Variants in TTLL2 observed in about 807,000 individuals in gnomAD.
TTLL2 encodes the protein probable tubulin polyglutamylase TTLL2.
A neutral mutation model predicts 7.5 loss-of-function variants in TTLL2; 10 were observed. The observed-to-expected ratio is 1.33, with a 90% CI of 0.82 to 2.25. TTLL2 has a LOEUF of 2.25. Among genes scored for constraint, TTLL2 ranks in the 30% most tolerant of loss-of-function variants. TTLL2 has a pLI of 0.00. For synonymous variants in TTLL2, 284 were observed against 280.3 expected (o/e 1.01, Z -0.13); for missense variants, 733 against 735.7 (o/e 1.00, Z 0.04).
chr6:167,335,407 G>T (rs1430417218), intron 1 of TTLL2, among the ~76,000 whole-genome samples: 1 of 150,040 alleles, frequency 6.7e-6, no homozygotes, highest in East Asian at 2.0e-4. Context: ...GTGGAAGTCA[G>T]TGTGGCGATT....
At chr6:167,336,505 C>T (rs1200801820) in intron 1 of TTLL2, among the ~76,000 whole-genome samples, 1 of 151,996 alleles carries the variant, frequency 6.6e-6, no homozygotes, top group East Asian at 1.9e-4. Context: ...CAATTCCCTG[C>T]CATGGGTCGT....
chr6:167,340,561 G>C lies in TTLL2; in HGVS notation c.661G>C (p.Gly221Arg), dbSNP rs142290843. Residue 221 changes from glycine (G) to arginine (R), a missense_variant, in exon 3 of 3, where the codon GGG (glycine) becomes CGG (arginine). By Grantham distance (125) the Gly-to-Arg change is moderately radical. Coordinates refer to ENST00000239587, the MANE Select transcript of TTLL2 (RefSeq NM_031949.5). ...CKPAELSRGRGILIFSDFKDF... is the reference protein window; with the variant it reads ...CKPAELSRGRRILIFSDFKDF... The stretch of plus-strand genomic sequence containing the variant: ...GCCTGCTGAGTTATCTCGTGGGAGG[G>C]GGATACTAATTTTCAGTGACTTTAA... 2,643 of 1,613,950 alleles carry C rather than the reference G, an allele frequency of 1.6e-3. 7 individuals are homozygous for C. The highest frequency in any genetic ancestry group is 2.1e-3 in the Non-Finnish European group (2,493 of 1,180,036).
intron 1 of TTLL2, among the ~76,000 whole-genome samples, chr6:167,326,693 T>C (rs1314916498): frequency 6.6e-6 from 1 of 152,202 alleles, no homozygotes; most frequent in African/African-American, 2.4e-5. Context: ...AACACAAATT[T>C]GTAAACTTTC....
At position 167,340,600 on chromosome 6, in the gene TTLL2, G is replaced by A. The variant is rs776662347; in HGVS notation, c.700G>A (p.Asp234Asn). 1 of 1,614,168 alleles carries A rather than the reference G, an allele frequency of 6.2e-7. No individual in the cohort carries two copies. Among genetic ancestry groups the A allele is most frequent in the Non-Finnish European group, 8.5e-7 (1 of 1,180,034 alleles). ...CAGTGACTTTAAAGACTTCATCTTT[G>A]ATGATATGTACATAGTGCAGAAATA... ...IFSDFKDFIF[D>N]DMYIVQKYIS... Residue 234 changes from aspartate (D) to asparagine (N), a missense_variant, in exon 3 of 3, where the codon GAT becomes AAT. Physicochemically the swap from Asp to Asn is conservative, Grantham distance 23 (BLOSUM62 1). Transcript: ENST00000239587.
rs895574550 is a variant in TTLL2, at chr6:167,331,744, A to G, written c.47+6524A>G. On this transcript the variant is annotated intron_variant, in intron 1 of 2. Transcript: ENST00000239587. ...TGTAACAATCGCTGAGTCCTGGCCA[A>G]TCCCCGCAGCTGTACTTCAACCACT... is the stretch of plus-strand genomic sequence containing the variant. Among the ~76,000 whole-genome samples the G allele has an allele frequency of 5.9e-5, 9 of 152,258 alleles. No homozygotes were observed. In the East Asian group the frequency reaches 1.7e-3, roughly 29 times the overall value.
intron 1 of TTLL2, 59 bp downstream of exon 1, chr6:167,325,279 A>C: frequency 6.8e-7 from 1 of 1,463,202 alleles, no homozygotes; most frequent in Non-Finnish European, 9.1e-7. Context: ...CCTCTGTTCC[A>C]GGACCAGCCC....
At position 167,341,516 on chromosome 6, in the gene TTLL2, C is replaced by CGT. The variant is rs1432582801; in HGVS notation, c.1621_1622dup (p.Leu542SerfsTer34). On this transcript the variant is annotated frameshift_variant, in exon 3 of 3. Coordinates refer to ENST00000239587, the MANE Select transcript of TTLL2 (RefSeq NM_031949.5). LOFTEE classifies it low-confidence loss of function (END_TRUNC). Reference sequence around the variant, plus strand: ...CACTCCTGCAAGACCAAGACCTCCCCGTGTGTCCTGTCAGACCGTGGCAAA... The same window carrying CGT: ...CACTCCTGCAAGACCAAGACCTCCCCGTGTGTGTCCTGTCAGACCGTGGCAAA... 2 of 1,614,068 alleles carry CGT rather than the reference C, an allele frequency of 1.2e-6. No individual in the cohort carries two copies. Among genetic ancestry groups the CGT allele is most frequent in the African/African-American group, 2.7e-5 (2 of 74,906 alleles).
At chr6:167,338,621 C>T (rs377762691) in intron 1 of TTLL2, 26 bp from the exon 2 acceptor site, 6 of 1,598,402 alleles carry the variant, frequency 3.8e-6, no homozygotes, top group Non-Finnish European at 5.1e-6. Context: ...GCTGTGTGTT[C>T]ATTGTTGATG....
Position 167,340,095 on chromosome 6 carries a change from C to T in TTLL2, c.205-10C>T. On this transcript the variant is annotated splice_polypyrimidine_tract_variant and intron_variant, in intron 2 of 2. Transcript: ENST00000239587. Reference sequence around the variant, plus strand: ...CACTCTCCTAACCTTTCTCAATGATCCATTTTTAGAAAAAACCTCATTTGA... The same window carrying T: ...CACTCTCCTAACCTTTCTCAATGATTCATTTTTAGAAAAAACCTCATTTGA... The T allele has an allele frequency of 6.4e-7, 1 of 1,558,312 alleles. No homozygotes were observed. Among genetic ancestry groups the T allele is most frequent in the East Asian group, 2.2e-5 (1 of 44,600 alleles).
rs1184293895 is a variant in TTLL2 at position 167,341,420 on chromosome 6, G to A, written c.1520G>A (p.Ser507Asn). ...FHLSTREMPQ[S>N]KPKLRSRHTP... ...CTGTCAACAAGGGAGATGCCACAAAGCAAGCCCAAGTTACGGAGCAGGCAC... is the reference window on the plus strand; with the variant it reads ...CTGTCAACAAGGGAGATGCCACAAAACAAGCCCAAGTTACGGAGCAGGCAC... The change falls in exon 3 of 3, where the codon AGC becomes AAC. Residue 507 changes from serine (S) to asparagine (N), a missense_variant. Transcript: ENST00000239587. The A allele has an allele frequency of 3.1e-6, 5 of 1,613,870 alleles. No homozygotes were observed. The highest frequency in any genetic ancestry group is 1.7e-5 in the Admixed American group (1 of 59,996).
At chr6:167,331,811 A>C (rs1468366551) in intron 1 of TTLL2, among the ~76,000 whole-genome samples, 1 of 152,134 alleles carries the variant, frequency 6.6e-6, no homozygotes, top group Non-Finnish European at 1.5e-5. Context: ...AATAAGGCAA[A>C]CAGCAACCTG....
Position 167,340,712 on chromosome 6 carries a change from A to G in TTLL2, c.812A>G (p.Tyr271Cys), listed in dbSNP as rs1266690922. The G allele has an allele frequency of 6.2e-7, 1 of 1,614,138 alleles. No homozygotes were observed. Among genetic ancestry groups the G allele is most frequent in the East Asian group, 2.2e-5 (1 of 44,880 alleles). Residue 271 changes from tyrosine (Y) to cysteine (C), a missense_variant, in exon 3 of 3, where the codon TAT becomes TGT. Physicochemically the swap from Tyr to Cys is radical, Grantham distance 194. Coordinates refer to ENST00000239587, the MANE Select transcript of TTLL2 (RefSeq NM_031949.5). ...ACTGGCTTTAAGCCTTTGACCATTT[A>G]TGTTTATCAGGAAGGGTTGGTTCGG... is the stretch of plus-strand genomic sequence containing the variant. The part of the protein sequence containing the change: ...CVTGFKPLTI[Y>C]VYQEGLVRFA...
Position 167,341,091 on chromosome 6 carries a change from T to C in TTLL2, c.1191T>C (p.Cys397=), listed in dbSNP as rs1779085027. The C allele has an allele frequency of 6.2e-7, 1 of 1,613,912 alleles. No homozygotes were observed. The highest frequency in any genetic ancestry group is 1.3e-5 in the African/African-American group (1 of 74,862). Reference sequence around the variant, plus strand: ...ACAGCCCAGCCTTGACCTTGGATTGTTCAACAGATGTGTTGGTGAAGAGAA... The same window carrying C: ...ACAGCCCAGCCTTGACCTTGGATTGCTCAACAGATGTGTTGGTGAAGAGAA... ...VNYSPALTLD[C]STDVLVKRKL... The change falls in exon 3 of 3, where the codon TGT becomes TGC. Residue 397 remains cysteine (C), a synonymous_variant. Transcript: ENST00000239587.
At chr6:167,337,065 C>A (rs1417338095) in intron 1 of TTLL2, among the ~76,000 whole-genome samples, 2 of 152,218 alleles carry the variant, frequency 1.3e-5, no homozygotes, top group Middle Eastern at 3.2e-3. Flanking sequence ...GGGCTGCAGA[C>A]GTGTCCCAGC....
intron 1 of TTLL2, among the ~76,000 whole-genome samples, chr6:167,332,066 T>C (rs994250987): frequency 1.3e-5 from 2 of 152,140 alleles, no homozygotes; most frequent in African/African-American, 4.8e-5. Context: ...ATAAATTAAA[T>C]GTAACAGAGT....
Position 167,340,526 on chromosome 6 carries a change from G to A in TTLL2, c.626G>A (p.Trp209Ter). The change falls in exon 3 of 3, where the codon TGG (tryptophan) becomes TAG (stop). Residue 209 changes from tryptophan to a stop codon, truncating the protein, a stop_gained. Transcript: ENST00000239587. LOFTEE classifies it low-confidence loss of function (END_TRUNC). ...RQMLGTKHSY[W>*]ICKPAELSRG... ...ATGCTGGGCACCAAGCATAGCTATT[G>A]GATTTGCAAGCCTGCTGAGTTATCT... The A allele has an allele frequency of 1.9e-6, 3 of 1,614,102 alleles. 1 individual carries two copies. Among genetic ancestry groups the A allele is most frequent in the South Asian group, 2.2e-5 (2 of 91,066 alleles).
chr6:167,328,274 G>T (rs1361218490), intron 1 of TTLL2: 1 of 361,724 alleles, frequency 2.8e-6, no homozygotes, highest in Non-Finnish European at 5.5e-6. Flanking sequence ...AGTCTTCTGG[G>T]CAAATCAGTG....
At position 167,341,108 on chromosome 6, in the gene TTLL2, T is replaced by C. The variant is rs772064968; in HGVS notation, c.1208T>C (p.Val403Ala). 1 of 1,613,940 alleles carries C rather than the reference T, an allele frequency of 6.2e-7. No homozygotes were observed. Among genetic ancestry groups the C allele is most frequent in the South Asian group, 1.1e-5 (1 of 91,062 alleles). ...LTLDCSTDVL[V>A]KRKLVHDIID... The stretch of plus-strand genomic sequence containing the variant: ...TTGGATTGTTCAACAGATGTGTTGG[T>C]GAAGAGAAAACTTGTCCATGATATT... Residue 403 changes from valine (V) to alanine (A), a missense_variant, in exon 3 of 3, where the codon GTG (valine) becomes GCG (alanine). By Grantham distance (64) the Val-to-Ala change is moderately conservative. Coordinates refer to ENST00000239587, the MANE Select transcript of TTLL2 (RefSeq NM_031949.5).
chr6:167,331,433 G>A (rs1210405104), intron 1 of TTLL2, among the ~76,000 whole-genome samples: 2 of 152,096 alleles, frequency 1.3e-5, no homozygotes, highest in Non-Finnish European at 2.9e-5. Context: ...CCAGCCTCTA[G>A]AAACCTCTGT....
Sources: gnomAD v4.1 joint callset for allele counts (sites outside exome capture counted in the v4.1 genomes callset) on GRCh38, gnomAD v4.1.1 for gene constraint, MANE v1.5 for transcripts, NCBI Gene and HGNC (gene_info 2026-07-23, HGNC 2026-07-21) for gene names.